CLCN4: variants seen among roughly 807,000 people sequenced by gnomAD.
The protein encoded by CLCN4 is Cl-/H+ antiporter 4, also known as H(+)/Cl(-) exchange transporter 4.
In CLCN4, 1 loss-of-function variant was observed where a neutral mutation model predicts 41.7. That is an observed-to-expected ratio of 0.02 (90% CI 0.01 to 0.11). The LOEUF is 0.11. Among genes scored for constraint, CLCN4 ranks in the 10% least tolerant of loss-of-function variants. The probability of loss-of-function intolerance (pLI) is 1.00; values close to 1 mark genes in which losing one functional copy is unlikely to be tolerated. For missense variants in CLCN4, 287 were observed against 661.0 expected, an observed-to-expected ratio of 0.43 and a Z score of 6.20; for synonymous variants, 277 against 285.8, an observed-to-expected ratio of 0.97 and a Z score of 0.31.
rs920551089 is a variant in CLCN4 at position 10,157,303 on chromosome X, G to A, written c.-275+203G>A. Among the ~76,000 whole-genome samples the A allele has an allele frequency of 5.2e-4, 58 of 111,954 alleles. 1 individual carries two copies. Among genetic ancestry groups the A allele is most frequent in the African/African-American group, 1.8e-3 (56 of 30,773 alleles). ...GAGGGAATCACGGTATAAGGGCCAG[G>A]GTTAAATATAGAAGGACACGAAAGC... On this transcript the variant is annotated intron_variant, in intron 1 of 12. Transcript: ENST00000380833.
At position 10,214,009 on chromosome X, in the gene CLCN4, C is replaced by G; in HGVS notation, c.1905C>G (p.Pro635=). The change falls in exon 11 of 13, where the codon CCC becomes CCG. Residue 635 remains proline, a synonymous_variant. Coordinates refer to ENST00000380833, the MANE Select transcript of CLCN4 (RefSeq NM_001830.4). ...AGGAGACCGACTACAACGGCTTCCC[C>G]GTGGTGGTCTCCAGAGACTCCGAGC... The part of the protein sequence containing the change: ...LIKETDYNGF[P]VVVSRDSERL... The G allele has an allele frequency of 8.3e-7, 1 of 1,208,493 alleles. No homozygotes were observed. Among genetic ancestry groups the G allele is most frequent in the South Asian group, 1.8e-5 (1 of 56,284 alleles).
chrX:10,211,977 G>C (rs1400566751), intron 9 of CLCN4, among the ~76,000 whole-genome samples: 1 of 112,031 alleles, frequency 8.9e-6, no homozygotes, highest in Non-Finnish European at 1.9e-5. Context: ...AGCCATTGAA[G>C]TGCTTTCTGG....
chrX:10,223,565 T>A (rs1014484626), intron 12 of CLCN4, among the ~76,000 whole-genome samples: 3 of 112,044 alleles, frequency 2.7e-5, no homozygotes, highest in African/African-American at 9.7e-5. Flanking sequence ...GCTCTCATGT[T>A]TGATGTGCTC....
intron 2 of CLCN4, among the ~76,000 whole-genome samples, chrX:10,175,777 C>T (rs1181222137): frequency 9.1e-6 from 1 of 110,386 alleles, no homozygotes; most frequent in East Asian, 2.8e-4. Context: ...ATTCATGAGC[C>T]GAGGCACCCG....
chrX:10,191,815 C>G (rs1476290019), intron 4 of CLCN4, among the ~76,000 whole-genome samples: 1 of 99,461 alleles, frequency 1.0e-5, no homozygotes, highest in Non-Finnish European at 2.0e-5. Flanking sequence ...GCTGGGACTA[C>G]TGGCATAAGC....
At chrX:10,171,757 G>T (rs777308980) in intron 2 of CLCN4, among the ~76,000 whole-genome samples, 1 of 111,964 alleles carries the variant, frequency 8.9e-6, no homozygotes, top group East Asian at 2.8e-4. Context: ...GAGAAAAGCA[G>T]GCACGTGCTT....
chrX:10,178,504 A>G (rs910113998), intron 2 of CLCN4, among the ~76,000 whole-genome samples: 7 of 111,994 alleles, frequency 6.3e-5, no homozygotes, highest in Admixed American at 1.9e-4. Context: ...CCAGTTGAGT[A>G]GCACAGAGCA....
chrX:10,170,052 T>A (rs758109788), intron 2 of CLCN4, among the ~76,000 whole-genome samples: 161 of 111,651 alleles, frequency 1.4e-3, no homozygotes, highest in Non-Finnish European at 2.7e-3. Flanking sequence ...CCTCCCAAAG[T>A]GCTGGGATTA....
At chrX:10,216,381 A>G (rs935024968) in intron 11 of CLCN4, among the ~76,000 whole-genome samples, 3 of 111,839 alleles carry the variant, frequency 2.7e-5, no homozygotes, top group African/African-American at 9.8e-5. Flanking sequence ...ACGGGGCTGT[A>G]TGCGACTCTT....
chrX:10,212,837 G>GCACACACACACA (rs199932119), intron 10 of CLCN4, among the ~76,000 whole-genome samples, 184 bp downstream of exon 10: 135 of 106,589 alleles, frequency 1.3e-3, no homozygotes, highest in African/African-American at 4.1e-3. Context: ...CGCTCACTAT[G>GCACACACACACA]CAGACACACA....
At chrX:10,222,260 C>T in intron 12 of CLCN4, among the ~76,000 whole-genome samples, 1 of 111,760 alleles carries the variant, frequency 8.9e-6, no homozygotes, top group East Asian at 2.8e-4. Flanking sequence ...CTGAGTGTCA[C>T]AAGTTCCATG....
rs1925282381 is a variant in CLCN4, at chrX:10,237,578, C to T, written c.*3994C>T. The T allele has an allele frequency of 2.7e-5, 3 of 111,378 alleles. No homozygotes were observed. The highest frequency in any genetic ancestry group is 3.8e-5 in the Non-Finnish European group (2 of 53,175). The allele number at this position is 111,378 out of a possible 1,213,427, so 9.2% of individuals were successfully genotyped here. On this transcript the variant is annotated 3_prime_UTR_variant, in exon 13 of 13. Transcript: ENST00000380833. ...TTTTTATTGTAACACTCTGTGTAAA[C>T]GTTGACACCTTATTAAATATTAAAT...
chrX:10,189,527 C>T (rs1271267507), intron 4 of CLCN4, among the ~76,000 whole-genome samples: 1 of 111,858 alleles, frequency 8.9e-6, no homozygotes, highest in African/African-American at 3.3e-5. Context: ...CCCATGCGCA[C>T]GTCAGCAGGG....
At chrX:10,184,270 A>G (rs993013428) in intron 2 of CLCN4, among the ~76,000 whole-genome samples, 2 of 111,335 alleles carry the variant, frequency 1.8e-5, no homozygotes, top group Non-Finnish European at 3.8e-5. Context: ...ATTAATCCTC[A>G]TTTGCAGATT....
At chrX:10,201,999 A>C (rs4830439) in intron 6 of CLCN4, among the ~76,000 whole-genome samples, 11,733 of 110,732 alleles carry the variant, frequency 0.11, 535 homozygotes, top group South Asian at 0.27. Flanking sequence ...AGCAAATTTA[A>C]AGAAGGTTTT....
chrX:10,194,861 T>C, intron 4 of CLCN4, 50 bp from the exon 5 acceptor site: 6 of 1,162,223 alleles, frequency 5.2e-6, no homozygotes, highest in Non-Finnish European at 7.0e-6. Flanking sequence ...GTCTCATTCT[T>C]GTCGCATCAT....
intron 11 of CLCN4, among the ~76,000 whole-genome samples, chrX:10,216,918 T>TATATATATATATATATATATACACACAC (rs773265490): frequency 1.3e-4 from 5 of 38,931 alleles, no homozygotes; most frequent in African/African-American, 5.5e-4. Flanking sequence ...TATATATATA[T>TATATATATATATATATATATACACACAC]ACACACACAC....
intron 2 of CLCN4, among the ~76,000 whole-genome samples, chrX:10,183,399 G>T (rs1440857507): frequency 9.0e-6 from 1 of 111,691 alleles, no homozygotes; most frequent in Non-Finnish European, 1.9e-5. Flanking sequence ...AGTTTCATTG[G>T]GTCGTGGTTG....
intron 12 of CLCN4, among the ~76,000 whole-genome samples, chrX:10,232,952 A>C (rs777167592): frequency 7.2e-5 from 8 of 111,423 alleles, no homozygotes; most frequent in Middle Eastern, 4.7e-3. Flanking sequence ...TTGTACTTAA[A>C]ATTTCTTATA....
Sources: allele counts gnomAD v4.1 joint callset (sites outside exome capture counted in the v4.1 genomes callset), GRCh38; gene constraint gnomAD v4.1.1; transcripts MANE v1.5; gene names NCBI Gene and HGNC (gene_info 2026-07-23, HGNC 2026-07-21).